The following HELLS variants were observed in gnomAD, a reference collection of about 807,000 sequenced individuals.
HELLS encodes helicase, lymphoid specific.
In HELLS, 32 loss-of-function variants were observed where a neutral mutation model predicts 120.0. The observed-to-expected ratio is 0.27, with a 90% CI of 0.20 to 0.36. HELLS has a LOEUF of 0.36. Among genes scored for constraint, HELLS ranks in the 10% least tolerant of loss-of-function variants. HELLS has a pLI of 1.00. For synonymous variants in HELLS, 341 were observed against 323.4 expected, an observed-to-expected ratio of 1.05 and a Z score of -0.58; for missense variants, 650 against 993.4, an observed-to-expected ratio of 0.65 and a Z score of 4.65.
At chr10:94,565,018 G>A (rs1162296003) in intron 6 of HELLS, among the ~76,000 whole-genome samples, 2 of 152,180 alleles carry the variant, frequency 1.3e-5, no homozygotes, top group East Asian at 1.9e-4. Flanking sequence ...CTCTAGGGAT[G>A]CAATGATAGT....
At chr10:94,584,744 G>A (rs1589748248) in intron 12 of HELLS, among the ~76,000 whole-genome samples, 1 of 151,924 alleles carries the variant, frequency 6.6e-6, no homozygotes, top group Non-Finnish European at 1.5e-5. Flanking sequence ...TCCATAAGAG[G>A]GCTCACTGGA....
At chr10:94,549,666 G>T (rs147479185) in intron 2 of HELLS, among the ~76,000 whole-genome samples, 5 of 152,248 alleles carry the variant, frequency 3.3e-5, no homozygotes, top group Non-Finnish European at 7.3e-5. Flanking sequence ...TCTGCCCTCG[G>T]TGTCCATTGG....
At chr10:94,577,215 T>C (rs1844536026) in intron 10 of HELLS, 2 of 294,882 alleles carry the variant, frequency 6.8e-6, no homozygotes, top group Admixed American at 1.0e-4. Context: ...TCTATTTTCT[T>C]GATGTTCTAG....
Position 94,546,374 on chromosome 10 carries a change from C to T in HELLS, c.32-3C>T, listed in dbSNP as rs750089727. The stretch of plus-strand genomic sequence containing the variant: ...GCAATTTGAAAGCTTTCTCCCCCGT[C>T]AGGCTCGGAGGCTCCAGCAATGGTT... On this transcript the variant is annotated splice_polypyrimidine_tract_variant and splice_region_variant and intron_variant, in intron 1 of 21. Transcript: ENST00000348459. The T allele has an allele frequency of 1.2e-6, 2 of 1,614,114 alleles. No homozygotes were observed. The highest frequency in any genetic ancestry group is 1.7e-6 in the Non-Finnish European group (2 of 1,180,022).
chr10:94,583,169 C>T (rs1451162257), intron 12 of HELLS, 110 bp downstream of exon 12: 2 of 503,808 alleles, frequency 4.0e-6, no homozygotes, highest in South Asian at 4.2e-5. Flanking sequence ...AAATGAAGAT[C>T]CTCCTACATT....
chr10:94,589,968 T>C (rs1001991724), intron 13 of HELLS, among the ~76,000 whole-genome samples: 8 of 152,138 alleles, frequency 5.3e-5, no homozygotes, highest in African/African-American at 1.9e-4. Flanking sequence ...TTTACAGGCG[T>C]GAGCCACCGT....
intron 10 of HELLS, among the ~76,000 whole-genome samples, chr10:94,579,541 A>AT (rs889440225): frequency 9.7e-4 from 134 of 137,838 alleles, no homozygotes; most frequent in South Asian, 2.3e-3. Flanking sequence ...TATACATTCA[A>AT]TTTTTTTTTT....
intron 3 of HELLS, among the ~76,000 whole-genome samples, chr10:94,556,711 A>G (rs188018672): frequency 5.4e-4 from 82 of 152,230 alleles, no homozygotes; most frequent in African/African-American, 1.7e-3. Context: ...TTTAGCTTTC[A>G]TATGTCTGAA....
At chr10:94,592,075 C>CT (rs1845514437) in intron 15 of HELLS, among the ~76,000 whole-genome samples, 154 bp from the exon 16 acceptor site, 1 of 152,154 alleles carries the variant, frequency 6.6e-6, no homozygotes, top group African/African-American at 2.4e-5. Flanking sequence ...TGAGTAATAA[C>CT]TATCTTCTGA....
In HELLS at chr10:94,596,810, T is replaced by C. The variant is rs746219622; in HGVS notation, c.2249-50T>C. 3.0e-5 allele frequency: 28 copies of C among 932,814 alleles called. No individual in the cohort carries two copies. The Admixed American group carries it at 5.0e-4, about 17-fold the overall frequency. 57.8% of individuals were successfully genotyped at this position (932,814 alleles called of 1,614,324 possible). A position where few individuals can be genotyped will look rare whatever the true frequency, so the allele number is the denominator to read the frequency against. ...TGTGATTGGTTTGTAATATGTTGTA[T>C]TGTAGTTTTAAAAGGAATTTTAATG... On this transcript the variant is annotated intron_variant, in intron 19 of 21. Coordinates refer to ENST00000348459, the MANE Select transcript of HELLS (RefSeq NM_018063.5).
chr10:94,584,108 C>A, intron 12 of HELLS: 1 of 1,368,398 alleles, frequency 7.3e-7, no homozygotes, highest in Non-Finnish European at 9.6e-7. Context: ...TTTACTCAAG[C>A]TTCATACCAA....
chr10:94,579,946 TTA>T (rs1844740555), intron 10 of HELLS, among the ~76,000 whole-genome samples: 1 of 151,824 alleles, frequency 6.6e-6, no homozygotes, highest in Admixed American at 6.6e-5. Flanking sequence ...TTAAGTGAGC[TTA>T]TATTATCATT....
chr10:94,598,938 C>G (rs181866657), intron 21 of HELLS, among the ~76,000 whole-genome samples: 1 of 151,990 alleles, frequency 6.6e-6, no homozygotes, highest in Non-Finnish European at 1.5e-5. Context: ...TATTGGATGG[C>G]CTTGTCATCC....
Position 94,573,976 on chromosome 10 carries a change from C to T in HELLS, c.494C>T (p.Ser165Phe), listed in dbSNP as rs753484878. 3.7e-6 allele frequency: 6 copies of T among 1,604,582 alleles called. No individual in the cohort carries two copies. The highest frequency in any genetic ancestry group is 1.7e-6 in the Non-Finnish European group (2 of 1,171,794). ...TCTCTACAGGATGAAAACTCCTCCT[C>T]TACTAATCTCTGTGTGGAAGATCTT... ...KKENEDENSS[S>F]TNLCVEDLQK... Residue 165 changes from serine to phenylalanine, a missense_variant, in exon 8 of 22, where the codon TCT becomes TTT. Ser to Phe is a radical substitution (Grantham distance 155, BLOSUM62 -2). Coordinates refer to ENST00000348459, the MANE Select transcript of HELLS (RefSeq NM_018063.5).
intron 7 of HELLS, among the ~76,000 whole-genome samples, chr10:94,572,751 T>C (rs776646992): frequency 3.9e-5 from 6 of 151,974 alleles, no homozygotes; most frequent in Non-Finnish European, 8.8e-5. Context: ...GTACAGATTT[T>C]CCCCCCCAAA....
chr10:94,552,163 C>T (rs1205916174), intron 2 of HELLS, among the ~76,000 whole-genome samples: 4 of 152,114 alleles, frequency 2.6e-5, no homozygotes, highest in African/African-American at 9.7e-5. Flanking sequence ...TTTTACTAAT[C>T]CTTGTTGAAA....
At chr10:94,592,816 AAAATATCAACTATATGGC>A (rs1454017709) in intron 17 of HELLS, among the ~76,000 whole-genome samples, 1 of 152,048 alleles carries the variant, frequency 6.6e-6, no homozygotes, top group African/African-American at 2.4e-5. Context: ...TTCTATTATG[AAAATATCAACTATATGGC>A]AAAGTTGAAA....
At position 94,592,261 on chromosome 10, in the gene HELLS, G is replaced by A. The variant is rs769145037; in HGVS notation, c.1800G>A (p.Lys600=). 2 of 1,612,174 alleles carry A rather than the reference G, an allele frequency of 1.2e-6. No homozygotes were observed. Among genetic ancestry groups the A allele is most frequent in the South Asian group, 2.2e-5 (2 of 90,654 alleles). ...AAGAATTGGTAACAAATTCTGGGAA[G>A]TTCTTGATTTTGGATCGAATGCTGC... The part of the protein sequence containing the change: ...IDEELVTNSG[K]FLILDRMLPE... Residue 600 remains lysine (K), a synonymous_variant, in exon 16 of 22, where the codon AAG becomes AAA. Transcript: ENST00000348459.
intron 6 of HELLS, among the ~76,000 whole-genome samples, chr10:94,563,529 C>T (rs543845057): frequency 6.6e-6 from 1 of 151,830 alleles, no homozygotes; most frequent in Non-Finnish European, 1.5e-5. Context: ...CTCTGTGACT[C>T]AAGCTGGAGT....
Sources: gnomAD v4.1 joint callset for allele counts (sites outside exome capture counted in the v4.1 genomes callset) on GRCh38, gnomAD v4.1.1 for gene constraint, MANE v1.5 for transcripts, NCBI Gene and HGNC (gene_info 2026-07-23, HGNC 2026-07-21) for gene names.